ANK3: variants seen among roughly 807,000 people sequenced by gnomAD.
The protein encoded by ANK3 is ankyrin 3.
Under a neutral mutation model 370.9 loss-of-function variants are expected in ANK3, and 57 were observed. The observed-to-expected ratio is 0.15, with a 90% CI of 0.12 to 0.19. The LOEUF is 0.19. ANK3 is among the 10% of genes least tolerant of loss of function. The pLI, the probability that ANK3 is intolerant of heterozygous loss-of-function variation, is 1.00. For synonymous variants in ANK3, 1,929 were observed against 1,946.3 expected (o/e 0.99, Z 0.23); for missense variants, 4,439 against 5,302.1 (o/e 0.84, Z 5.06).
intron 23 of ANK3, among the ~76,000 whole-genome samples, chr10:60,155,930 T>C (rs114319309): frequency 0.019 from 2,823 of 152,322 alleles, 81 homozygotes; most frequent in African/African-American, 0.064. Context: ...TTGGTTTTCC[T>C]ACTTTTGAGG....
rs1489548193 is a variant in ANK3 at position 60,667,731 on chromosome 10, A to T, written c.58-52507T>A. On this transcript the variant is annotated intron_variant, in intron 1 of 43. Coordinates refer to the ANK3 transcript ENST00000373827. ...ACATGGGACATCTCCAGGGCCTCAG[A>T]GTGGGTTTGGAACCTCTAGGTTTGT... Among the ~76,000 whole-genome samples the T allele has an allele frequency of 2.0e-5, 3 of 151,314 alleles. No individual in the cohort carries two copies. The East Asian group carries it at 5.8e-4, about 29-fold the overall frequency.
intron 36 of ANK3, among the ~76,000 whole-genome samples, chr10:60,079,610 A>G (rs2084701606): frequency 1.3e-5 from 2 of 152,238 alleles, no homozygotes; most frequent in Non-Finnish European, 2.9e-5. Context: ...GGAAACAGCT[A>G]GGAATGATTC....
At chr10:60,316,989 G>A (rs1003880056) in intron 1 of ANK3, among the ~76,000 whole-genome samples, 22 of 151,990 alleles carry the variant, frequency 1.4e-4, no homozygotes, top group Non-Finnish European at 2.2e-4. Flanking sequence ...CTCATGATCC[G>A]CCCACCTCAG....
At chr10:60,523,848 C>A (rs1315767319) in intron 2 of ANK3, among the ~76,000 whole-genome samples, 2 of 152,030 alleles carry the variant, frequency 1.3e-5, no homozygotes, top group South Asian at 2.1e-4. Context: ...TTGTCACTAC[C>A]ATTAAAAAAT....
intron 1 of ANK3, among the ~76,000 whole-genome samples, chr10:60,354,814 A>G (rs1203860246): frequency 6.6e-6 from 1 of 152,240 alleles, no homozygotes; most frequent in Non-Finnish European, 1.5e-5. Flanking sequence ...GAATGTTATT[A>G]TAATACACGT....
intron 38 of ANK3, among the ~76,000 whole-genome samples, chr10:60,065,027 T>C (rs1034100169): frequency 6.6e-6 from 1 of 152,210 alleles, no homozygotes; most frequent in South Asian, 2.1e-4. Context: ...GCAATCTTCA[T>C]GAAGGTATCT....
chr10:60,055,076 T>G (rs186700406), intron 42 of ANK3, among the ~76,000 whole-genome samples: 33 of 152,310 alleles, frequency 2.2e-4, no homozygotes, highest in Admixed American at 1.9e-3. Context: ...CATCATCAAC[T>G]TATATAAATT....
intron 7 of ANK3, among the ~76,000 whole-genome samples, chr10:60,239,487 C>A (rs76759727): frequency 0.022 from 3,335 of 152,164 alleles, 106 homozygotes; most frequent in African/African-American, 0.073. Context: ...GAAGTGACAT[C>A]TTTAAATACT....
At chr10:60,594,553 C>T (rs1375066002) in intron 2 of ANK3, among the ~76,000 whole-genome samples, 1 of 151,928 alleles carries the variant, frequency 6.6e-6, no homozygotes, top group African/African-American at 2.4e-5. Flanking sequence ...TGTTAACTTA[C>T]TATCATAGTT....
At chr10:60,526,855 C>T (rs77097330) in intron 2 of ANK3, among the ~76,000 whole-genome samples, 10,627 of 152,154 alleles carry the variant, frequency 0.07, 493 homozygotes, top group South Asian at 0.18. Context: ...GCAAACTGGA[C>T]AGTTAGTGAG....
At chr10:60,650,386 AAT>A (rs200156894) in intron 1 of ANK3, among the ~76,000 whole-genome samples, 33,415 of 82,834 alleles carry the variant, frequency 0.4, 4,602 homozygotes, top group South Asian at 0.57. Flanking sequence ...AAAAAAAAAA[AAT>A]TTACAAGCTC....
intron 1 of ANK3, among the ~76,000 whole-genome samples, chr10:60,626,927 G>A (rs962822733): frequency 3.3e-5 from 5 of 151,942 alleles, no homozygotes; most frequent in African/African-American, 1.2e-4. Flanking sequence ...TGGTTTTCGA[G>A]AAAACCACAT....
chr10:60,284,755 G>A (rs568338087), intron 1 of ANK3, among the ~76,000 whole-genome samples: 1 of 152,070 alleles, frequency 6.6e-6, no homozygotes, highest in South Asian at 2.1e-4. Context: ...GACCCAGTGA[G>A]TACATAACAT....
chr10:60,143,356 A>G (rs1018255994), intron 23 of ANK3, among the ~76,000 whole-genome samples: 1 of 152,220 alleles, frequency 6.6e-6, no homozygotes, highest in African/African-American at 2.4e-5. Flanking sequence ...GATGAATTGT[A>G]TTGTGTGATT....
At chr10:60,140,218 A>C in intron 23 of ANK3, 3 of 965,750 alleles carry the variant, frequency 3.1e-6, no homozygotes, top group Non-Finnish European at 3.2e-6. Flanking sequence ...TAAAAACTAA[A>C]CAGATCAACT....
chr10:60,440,288 AATAAC>A (rs2064267169), intron 2 of ANK3, among the ~76,000 whole-genome samples: 2 of 152,172 alleles, frequency 1.3e-5, no homozygotes, highest in Non-Finnish European at 2.9e-5. Context: ...TGCTACAAAG[AATAAC>A]CAAGACTGGG....
chr10:60,294,572 C>T (rs983642859), intron 1 of ANK3, among the ~76,000 whole-genome samples: 3 of 152,126 alleles, frequency 2.0e-5, no homozygotes, highest in African/African-American at 4.8e-5. Context: ...TGCTATTGTT[C>T]TTTTCACTTA....
chr10:60,475,015 T>G (rs1217214298), intron 2 of ANK3, among the ~76,000 whole-genome samples: 1 of 152,108 alleles, frequency 6.6e-6, no homozygotes, highest in Non-Finnish European at 1.5e-5. Context: ...CCCCAAACCT[T>G]TAGTCTTACC....
chr10:60,201,043 T>C (rs1166280175), intron 12 of ANK3, among the ~76,000 whole-genome samples: 1 of 152,246 alleles, frequency 6.6e-6, no homozygotes, highest in African/African-American at 2.4e-5. Flanking sequence ...TTCTCTCACA[T>C]AGGTGATGCT....
Sources: allele counts gnomAD v4.1 joint callset (sites outside exome capture counted in the v4.1 genomes callset), GRCh38; gene constraint gnomAD v4.1.1; transcripts MANE v1.5; gene names NCBI Gene and HGNC (gene_info 2026-07-23, HGNC 2026-07-21).